The following OSBPL10 variants were observed in gnomAD, a reference collection of about 807,000 sequenced individuals.
The protein encoded by OSBPL10 is oxysterol-binding protein-related protein 10.
OSBPL10 carries 49 observed loss-of-function variants against 81.7 expected under a neutral mutation model. The observed-to-expected ratio is 0.60, with a 90% CI of 0.48 to 0.76. The LOEUF (loss-of-function observed/expected upper bound fraction) is 0.76. Ranked by LOEUF, OSBPL10 falls within the 30% of genes least tolerant of loss-of-function variation. OSBPL10 has a pLI of 0.00. For synonymous variants in OSBPL10, 419 were observed against 383.6 expected, an observed-to-expected ratio of 1.09 and a Z score of -1.08; for missense variants, 923 against 987.8, an observed-to-expected ratio of 0.93 and a Z score of 0.88.
intron 4 of OSBPL10, among the ~76,000 whole-genome samples, chr3:31,776,069 T>C (rs559083492): frequency 2.2e-4 from 34 of 152,260 alleles, no homozygotes; most frequent in African/African-American, 8.2e-4. Context: ...TTTCCTGTGA[T>C]GGCTGCCACC....
chr3:32,041,492 C>T (rs1699574659), intron 2 of OSBPL10, among the ~76,000 whole-genome samples: 1 of 152,114 alleles, frequency 6.6e-6, no homozygotes, highest in Non-Finnish European at 1.5e-5. Context: ...TGCTGCAGCA[C>T]ACTTAGGACA....
chr3:31,871,394 C>T (rs920766234), intron 3 of OSBPL10, among the ~76,000 whole-genome samples: 2 of 152,092 alleles, frequency 1.3e-5, no homozygotes, highest in African/African-American at 2.4e-5. Flanking sequence ...GAAGAAACTC[C>T]GAACACATCC....
chr3:31,795,802 A>G, intron 4 of OSBPL10: 1 of 243,476 alleles, frequency 4.1e-6, no homozygotes, highest in South Asian at 7.2e-5. Context: ...ATTTTACAAG[A>G]AGTCTCACTT....
chr3:31,903,271 T>C (rs928277110), intron 1 of OSBPL10, among the ~76,000 whole-genome samples: 3 of 152,028 alleles, frequency 2.0e-5, no homozygotes, highest in Non-Finnish European at 4.4e-5. Flanking sequence ...ATTGCTAATA[T>C]TTCCCTAACC....
At chr3:32,055,249 G>A (rs1699700048) in intron 1 of OSBPL10, among the ~76,000 whole-genome samples, 1 of 120,326 alleles carries the variant, frequency 8.3e-6, no homozygotes, top group Non-Finnish European at 1.6e-5. Context: ...TGTCGCCCAG[G>A]CTGGAGTGCA....
At chr3:31,837,333 AT>A (rs1191247926) in intron 3 of OSBPL10, among the ~76,000 whole-genome samples, 4 of 17,472 alleles carry the variant, frequency 2.3e-4, no homozygotes, top group African/African-American at 9.0e-4. Flanking sequence ...ATATATATAT[AT>A]ATATATATAT....
At chr3:31,812,479 T>C (rs1450123487) in intron 4 of OSBPL10, among the ~76,000 whole-genome samples, 1 of 152,160 alleles carries the variant, frequency 6.6e-6, no homozygotes, top group Non-Finnish European at 1.5e-5. Flanking sequence ...AACTGTGATA[T>C]CTCACAAGTT....
chr3:31,759,305 G>A (rs1165548157), intron 4 of OSBPL10, among the ~76,000 whole-genome samples: 1 of 152,050 alleles, frequency 6.6e-6, no homozygotes, highest in Admixed American at 6.5e-5. Context: ...AGACCTGAAC[G>A]GGATCCTGAA....
At chr3:31,837,186 C>T (rs1700374351) in intron 3 of OSBPL10, among the ~76,000 whole-genome samples, 1 of 151,906 alleles carries the variant, frequency 6.6e-6, no homozygotes. Context: ...AGGAGGAAAG[C>T]TGATAACTGT....
At chr3:31,990,268 C>T in intron 2 of OSBPL10, 5 of 1,614,024 alleles carry the variant, frequency 3.1e-6, no homozygotes, top group Non-Finnish European at 4.2e-6. Flanking sequence ...TATAGGGAAA[C>T]TTTATAAATG....
At chr3:31,974,365 C>T (rs111770443) in intron 1 of OSBPL10, among the ~76,000 whole-genome samples, 4 of 152,268 alleles carry the variant, frequency 2.6e-5, no homozygotes, top group African/African-American at 9.6e-5. Flanking sequence ...ATCTAATAAG[C>T]TGGACATGAG....
chr3:31,994,752 T>C (rs1386959989), intron 2 of OSBPL10, among the ~76,000 whole-genome samples: 1 of 152,208 alleles, frequency 6.6e-6, no homozygotes, highest in Admixed American at 6.5e-5. Context: ...ACAGTCTAGA[T>C]ATTCATGTGT....
chr3:31,781,228 A>G (rs1208984887), intron 4 of OSBPL10, among the ~76,000 whole-genome samples: 1 of 152,244 alleles, frequency 6.6e-6, no homozygotes, highest in Non-Finnish European at 1.5e-5. Context: ...AATCATCTCA[A>G]TAGCTGTGGA....
chr3:32,025,390 GTTGCTGACCTTGGT>G (rs1699394203), intron 2 of OSBPL10, among the ~76,000 whole-genome samples: 1 of 151,974 alleles, frequency 6.6e-6, no homozygotes, highest in African/African-American at 2.4e-5. Flanking sequence ...CTTTTTTTAT[GTTGCTGACCTTGGT>G]TTGATAGGAT....
At chr3:31,901,357 C>T (rs1696233504) in intron 1 of OSBPL10, among the ~76,000 whole-genome samples, 1 of 152,190 alleles carries the variant, frequency 6.6e-6, no homozygotes, top group East Asian at 1.9e-4. Context: ...CTCAGCTCAC[C>T]TCTGCAGTCT....
chr3:31,791,434 C>T (rs1470659088), intron 4 of OSBPL10, among the ~76,000 whole-genome samples: 2 of 152,180 alleles, frequency 1.3e-5, no homozygotes, highest in East Asian at 3.8e-4. Context: ...TGGAAATCAG[C>T]GTGCATTTCC....
At chr3:31,782,725 AAAT>A (rs1216158057) in intron 4 of OSBPL10, among the ~76,000 whole-genome samples, 2 of 152,234 alleles carry the variant, frequency 1.3e-5, no homozygotes, top group African/African-American at 4.8e-5. Flanking sequence ...ATGCTAATCA[AAAT>A]AACAATGAGA....
At chr3:31,915,300 C>T (rs1696722423) in intron 1 of OSBPL10, among the ~76,000 whole-genome samples, 1 of 152,082 alleles carries the variant, frequency 6.6e-6, no homozygotes, top group South Asian at 2.1e-4. Flanking sequence ...CTCAAATTCT[C>T]TGGTGACCTT....
At chr3:31,770,839 T>A (rs1698360558) in intron 4 of OSBPL10, among the ~76,000 whole-genome samples, 1 of 152,086 alleles carries the variant, frequency 6.6e-6, no homozygotes, top group Admixed American at 6.6e-5. Context: ...AAACTAACAA[T>A]ACATAATAAA....
Sources: allele counts gnomAD v4.1 joint callset (sites outside exome capture counted in the v4.1 genomes callset), GRCh38; gene constraint gnomAD v4.1.1; transcripts MANE v1.5; gene names NCBI Gene and HGNC (gene_info 2026-07-23, HGNC 2026-07-21).